The following KSR2 variants were observed in gnomAD, a reference collection of about 807,000 sequenced individuals.
KSR2 encodes the protein kinase suppressor of ras 2.
In KSR2, 25 loss-of-function variants were observed where a neutral mutation model predicts 107.8. The observed-to-expected ratio is 0.23, with a 90% CI of 0.17 to 0.32. KSR2 has a LOEUF of 0.32. Among genes scored for constraint, KSR2 ranks in the 10% least tolerant of loss-of-function variants. The pLI is 1.00. For missense variants in KSR2, 887 were observed against 1,268.9 expected, an observed-to-expected ratio of 0.70 and a Z score of 4.57; for synonymous variants, 480 against 507.0, an observed-to-expected ratio of 0.95 and a Z score of 0.71.
intron 4 of KSR2, among the ~76,000 whole-genome samples, chr12:117,685,930 T>C (rs747955573): frequency 1.3e-5 from 2 of 152,260 alleles, no homozygotes; most frequent in African/African-American, 4.8e-5. Flanking sequence ...GAAGGTCCCT[T>C]TATATCCCTT....
intron 3 of KSR2, among the ~76,000 whole-genome samples, chr12:117,793,110 GTGCACACAAACA>G (rs1485152004): frequency 9.9e-5 from 8 of 81,138 alleles, no homozygotes; most frequent in African/African-American, 3.4e-4. Context: ...TCACACCAAC[GTGCACACAAACA>G]TGCACACACA....
rs1460217919 is a variant in KSR2, at chr12:117,469,408, C to T, written c.2846+254G>A. Among the ~76,000 whole-genome samples, 3 of 152,112 alleles carry T rather than the reference C, an allele frequency of 2.0e-5. No homozygotes were observed. In the East Asian group the frequency reaches 5.8e-4, roughly 29 times the overall value. Reference sequence around the variant, plus strand: ...TCAGACTCATCGGGGCATCAATCTTCATCAGGAAGAGATAAGCAATGAGAA... The same window carrying T: ...TCAGACTCATCGGGGCATCAATCTTTATCAGGAAGAGATAAGCAATGAGAA... On this transcript the variant is annotated intron_variant, in intron 19 of 19. Transcript: ENST00000339824.
intron 4 of KSR2, among the ~76,000 whole-genome samples, chr12:117,688,903 C>CTTTCCTTCCTTCTCTCCTGCCTCCTT (rs1885699429): frequency 3.3e-5 from 5 of 152,246 alleles, no homozygotes; most frequent in Admixed American, 3.3e-4. Flanking sequence ...AGATCTCCTT[C>CTTTCCTTCCTTCTCTCCTGCCTCCTT]TTTCCTTCCT....
At chr12:117,862,500 T>C (rs1366091016) in intron 1 of KSR2, among the ~76,000 whole-genome samples, 1 of 151,830 alleles carries the variant, frequency 6.6e-6, no homozygotes, top group African/African-American at 2.4e-5. Context: ...ACCCTGTCTC[T>C]ACAAAAATAA....
At chr12:117,936,045 T>C (rs755800931) in intron 1 of KSR2, among the ~76,000 whole-genome samples, 9 of 150,562 alleles carry the variant, frequency 6.0e-5, no homozygotes, top group Non-Finnish European at 1.0e-4. Flanking sequence ...TTATTGAACT[T>C]TTTTTTTTTG....
chr12:117,527,306 C>G (rs113586589), intron 12 of KSR2, among the ~76,000 whole-genome samples, 187 bp from the exon 13 acceptor site: 2,038 of 131,566 alleles, frequency 0.015, 48 homozygotes, highest in African/African-American at 0.074. Flanking sequence ...CACACAGACA[C>G]ACACACACAC....
At chr12:117,665,249 T>C (rs908858781) in intron 5 of KSR2, among the ~76,000 whole-genome samples, 1 of 152,190 alleles carries the variant, frequency 6.6e-6, no homozygotes, top group African/African-American at 2.4e-5. Context: ...AGAAACGCTT[T>C]TCCTCTTAGG....
chr12:117,563,950 C>T (rs544022335), intron 7 of KSR2, among the ~76,000 whole-genome samples: 1 of 152,272 alleles, frequency 6.6e-6, no homozygotes, highest in South Asian at 2.1e-4. Flanking sequence ...AAACCACTTG[C>T]CCTCACATCC....
At chr12:117,481,965 C>A (rs919053505) in intron 16 of KSR2, among the ~76,000 whole-genome samples, 3 of 151,986 alleles carry the variant, frequency 2.0e-5, no homozygotes, top group Admixed American at 1.3e-4. Flanking sequence ...CCCTGTGGAT[C>A]CCTAGAGCTA....
At chr12:117,884,653 G>T (rs1894120654) in intron 1 of KSR2, among the ~76,000 whole-genome samples, 1 of 152,178 alleles carries the variant, frequency 6.6e-6, no homozygotes, top group African/African-American at 2.4e-5. Flanking sequence ...TGTGCAAGTT[G>T]TTATACCTTT....
chr12:117,636,207 T>C (rs1883066024), intron 5 of KSR2, among the ~76,000 whole-genome samples: 3 of 152,264 alleles, frequency 2.0e-5, no homozygotes, highest in Middle Eastern at 6.8e-3. Context: ...AAGAGAGAAA[T>C]ATTCCACTGC....
chr12:117,870,126 T>G (rs1364162130), intron 1 of KSR2, among the ~76,000 whole-genome samples: 1 of 152,158 alleles, frequency 6.6e-6, no homozygotes, highest in African/African-American at 2.4e-5. Context: ...GTGCAAAAGT[T>G]GGGCATCGAC....
chr12:117,511,242 GAC>G (rs1874006804), intron 14 of KSR2, among the ~76,000 whole-genome samples: 1 of 152,240 alleles, frequency 6.6e-6, no homozygotes, highest in Non-Finnish European at 1.5e-5. Flanking sequence ...GGCACTGGCG[GAC>G]ACACAGGTGC....
At chr12:117,629,951 G>A (rs928114011) in intron 5 of KSR2, among the ~76,000 whole-genome samples, 4 of 152,288 alleles carry the variant, frequency 2.6e-5, no homozygotes, top group South Asian at 4.1e-4. Context: ...CCCCTACCAA[G>A]TGGCCTGCCA....
chr12:117,852,390 T>G (rs12831298), intron 3 of KSR2, among the ~76,000 whole-genome samples: 26,644 of 151,978 alleles, frequency 0.18, 2,524 homozygotes, highest in East Asian at 0.31. Context: ...GTCGCACCAC[T>G]GCACTCCAGC....
At chr12:117,965,471 C>T (rs775665741) in intron 1 of KSR2, among the ~76,000 whole-genome samples, 5 of 152,206 alleles carry the variant, frequency 3.3e-5, no homozygotes, top group Non-Finnish European at 5.9e-5. Flanking sequence ...TTCACATACA[C>T]ATTATTATAT....
At chr12:117,688,539 T>G (rs1348791133) in intron 4 of KSR2, among the ~76,000 whole-genome samples, 2 of 152,168 alleles carry the variant, frequency 1.3e-5, no homozygotes, top group Non-Finnish European at 2.9e-5. Flanking sequence ...GCATCATAAT[T>G]CTACACCGAT....
intron 5 of KSR2, among the ~76,000 whole-genome samples, chr12:117,585,089 G>A (rs1177102630): frequency 6.6e-6 from 1 of 152,158 alleles, no homozygotes; most frequent in Non-Finnish European, 1.5e-5. Context: ...TGTGTTACCA[G>A]CATCTGGTGG....
At chr12:117,925,605 C>T (rs1432322869) in intron 1 of KSR2, among the ~76,000 whole-genome samples, 1 of 152,122 alleles carries the variant, frequency 6.6e-6, no homozygotes, top group African/African-American at 2.4e-5. Flanking sequence ...GTAATGACAG[C>T]AGCAATGGCT....
Sources: gnomAD v4.1 joint callset for allele counts (sites outside exome capture counted in the v4.1 genomes callset) on GRCh38, gnomAD v4.1.1 for gene constraint, MANE v1.5 for transcripts, NCBI Gene and HGNC (gene_info 2026-07-23, HGNC 2026-07-21) for gene names.